The following QSER1 variants were observed in gnomAD, a reference collection of about 807,000 sequenced individuals.
QSER1 encodes glutamine and serine-rich protein 1.
In QSER1, 49 loss-of-function variants were observed where a neutral mutation model predicts 158.5. The observed-to-expected ratio is 0.31, with a 90% CI of 0.25 to 0.39. The LOEUF is 0.39. Ranked by LOEUF, QSER1 falls within the 10% of genes least tolerant of loss-of-function variation. QSER1 has a pLI of 1.00. For synonymous variants in QSER1, 650 were observed against 715.5 expected, an observed-to-expected ratio of 0.91 and a Z score of 1.46; for missense variants, 1,754 against 2,010.3, an observed-to-expected ratio of 0.87 and a Z score of 2.44.
intron 8 of QSER1, among the ~76,000 whole-genome samples, chr11:32,958,392 C>CTT (rs61443981): frequency 6.9e-6 from 1 of 144,976 alleles, no homozygotes; most frequent in Non-Finnish European, 1.5e-5. Flanking sequence ...TAGTTCTAAA[C>CTT]TTTTTTTTTT....
chr11:32,892,843 G>GGCCGCCGCCGCCGCCGCC lies in QSER1; in HGVS notation c.-281_-264dup, dbSNP rs562526200. ...GAAATCCACCAACATGGGGCGCAGC[G>GGCCGCCGCCGCCGCCGCC]GCCGCCGCCGCCGCCGCCGTCGCCG... On this transcript the variant is annotated 5_prime_UTR_variant, in exon 1 of 13. Transcript: ENST00000650167. 2.6e-4 allele frequency among the ~76,000 whole-genome samples: 38 copies of GGCCGCCGCCGCCGCCGCC among 144,876 alleles called. No individual in the cohort carries two copies. The South Asian group carries it at 4.2e-3, about 16-fold the overall frequency.
At chr11:32,898,518 ACACACACAC>A (rs1851585153) in intron 1 of QSER1, among the ~76,000 whole-genome samples, 9 of 148,598 alleles carry the variant, frequency 6.1e-5, no homozygotes, top group Admixed American at 1.3e-4. Context: ...ACACACACAC[ACACACACAC>A]ACATTGTAAT....
chr11:32,957,910 A>G lies in QSER1; in HGVS notation c.4793A>G (p.Asp1598Gly), dbSNP rs1173264839. 6.2e-7 allele frequency: 1 copy of G among 1,614,154 alleles called. No individual in the cohort carries two copies. Among genetic ancestry groups the G allele is most frequent in the Non-Finnish European group, 8.5e-7 (1 of 1,180,016 alleles). ...AKPSSSSKTSDPLASKTTTTK... is the reference protein window; with the variant it reads ...AKPSSSSKTSGPLASKTTTTK... ...CCAAGTAGTAGCAGTAAAACTTCTG[A>G]TCCTCTAGCATCAAAAACTACAACT... Residue 1598 changes from aspartate to glycine, a missense_variant, in exon 8 of 13, where the codon GAT (aspartate) becomes GGT (glycine). Physicochemically the swap from Asp to Gly is moderately conservative, Grantham distance 94. Coordinates refer to ENST00000650167, the MANE Select transcript of QSER1 (RefSeq NM_001076786.3).
chr11:32,898,482 TCACACACACACACACA>T (rs71034630), intron 1 of QSER1, among the ~76,000 whole-genome samples: 2,608 of 143,048 alleles, frequency 0.018, 81 homozygotes, highest in African/African-American at 0.06. Context: ...TGAGAACCTG[TCACACACACACACACA>T]CACACACACA....
intron 5 of QSER1, 137 bp from the exon 6 acceptor site, chr11:32,955,159 T>C: frequency 1.7e-6 from 1 of 585,994 alleles, no homozygotes; most frequent in Non-Finnish European, 3.0e-6. Context: ...ATAAGAATTA[T>C]TGCAGAATAT....
chr11:32,957,912 C>A lies in QSER1; in HGVS notation c.4795C>A (p.Pro1599Thr). 1 of 1,614,054 alleles carries A rather than the reference C, an allele frequency of 6.2e-7. No individual in the cohort carries two copies. ...AAGTAGTAGCAGTAAAACTTCTGAT[C>A]CTCTAGCATCAAAAACTACAACTAC... ...KPSSSSKTSD[P>T]LASKTTTTKA... Residue 1599 changes from proline to threonine, a missense_variant, in exon 8 of 13, where the codon CCT (proline) becomes ACT (threonine). Coordinates refer to ENST00000650167, the MANE Select transcript of QSER1 (RefSeq NM_001076786.3).
chr11:32,956,057 A>G lies in QSER1; in HGVS notation c.4687A>G (p.Asn1563Asp), dbSNP rs372571194. The G allele has an allele frequency of 2.9e-5, 46 of 1,610,666 alleles. No homozygotes were observed. The highest frequency in any genetic ancestry group is 3.5e-5 in the Non-Finnish European group (41 of 1,177,360). ...RIYVKFIENANKKEYVRVCSK... is the reference protein window; with the variant it reads ...RIYVKFIENADKKEYVRVCSK... ...ATATGTGAAGTTCATTGAAAATGCA[A>G]ACAAGAAGGAATATGTCAGAGTGTG... is the stretch of plus-strand genomic sequence containing the variant. Residue 1563 changes from asparagine to aspartate, a missense_variant, in exon 7 of 13, where the codon AAC becomes GAC. By Grantham distance (23) the Asn-to-Asp change is conservative. Coordinates refer to ENST00000650167, the MANE Select transcript of QSER1 (RefSeq NM_001076786.3).
At chr11:32,970,983 C>T (rs1260918817) in intron 10 of QSER1, among the ~76,000 whole-genome samples, 5 of 108,950 alleles carry the variant, frequency 4.6e-5, no homozygotes, top group African/African-American at 1.4e-4. Flanking sequence ...GACAGACTCT[C>T]GCTCTGTCTC....
At chr11:32,938,699 T>C (rs1852188385) in intron 4 of QSER1, among the ~76,000 whole-genome samples, 2 of 152,222 alleles carry the variant, frequency 1.3e-5, no homozygotes, top group African/African-American at 4.8e-5. Flanking sequence ...TTTTTGACTT[T>C]AAATTATTCA....
rs775217376 is a variant in QSER1, at chr11:32,932,708, A to G, written c.1450A>G (p.Ile484Val). 2.2e-5 allele frequency: 35 copies of G among 1,614,012 alleles called. No individual in the cohort carries two copies. Among genetic ancestry groups the G allele is most frequent in the Non-Finnish European group, 2.6e-5 (31 of 1,180,010 alleles). The change falls in exon 4 of 13, where the codon ATT becomes GTT. Residue 484 changes from isoleucine (I) to valine (V), a missense_variant. Ile to Val is a conservative substitution (Grantham distance 29). Coordinates refer to ENST00000650167, the MANE Select transcript of QSER1 (RefSeq NM_001076786.3). ...GLVQPHNVPS[I>V]VHSQVYRSSK... ...AGTACAGCCACATAATGTGCCATCT[A>G]TTGTTCATTCACAGGTTTATAGGTC...
At chr11:32,899,735 C>T (rs947506490) in intron 1 of QSER1, among the ~76,000 whole-genome samples, 1 of 151,962 alleles carries the variant, frequency 6.6e-6, no homozygotes, top group African/African-American at 2.4e-5. Context: ...CTTGCTTCCT[C>T]TCTGCTTGGC....
chr11:32,964,731 TATATATATACACACACAC>T (rs1232950235), intron 8 of QSER1, among the ~76,000 whole-genome samples: 4 of 113,098 alleles, frequency 3.5e-5, no homozygotes, highest in Non-Finnish European at 5.7e-5. Flanking sequence ...TATATATATA[TATATATATACACACACAC>T]ACACACACAC....
At chr11:32,952,201 T>C (rs1056161248) in intron 4 of QSER1, among the ~76,000 whole-genome samples, 1 of 152,228 alleles carries the variant, frequency 6.6e-6, no homozygotes, top group Non-Finnish European at 1.5e-5. Flanking sequence ...TCTTCAGATA[T>C]CCTTCTTAGG....
At chr11:32,920,845 GATA>G (rs1204733071) in intron 1 of QSER1, among the ~76,000 whole-genome samples, 1 of 152,148 alleles carries the variant, frequency 6.6e-6, no homozygotes, top group Non-Finnish European at 1.5e-5. Flanking sequence ...GAGAAATACA[GATA>G]ATAAATATTA....
rs375028984 is a variant in QSER1, at chr11:32,971,448, C to A, written c.5206-1949C>A. The stretch of plus-strand genomic sequence containing the variant: ...CAGATCATCTTAAGCATTTTGTGGT[C>A]ATTGGAAAGATTTAAATTTTCTTCT... On this transcript the variant is annotated intron_variant, in intron 10 of 12. Coordinates refer to ENST00000650167, the MANE Select transcript of QSER1 (RefSeq NM_001076786.3). 4.6e-5 allele frequency among the ~76,000 whole-genome samples: 7 copies of A among 152,192 alleles called. No homozygotes were observed. In the South Asian group the frequency reaches 1.4e-3, roughly 32 times the overall value.
intron 4 of QSER1, among the ~76,000 whole-genome samples, chr11:32,946,365 G>A (rs1329552663): frequency 6.6e-6 from 1 of 151,992 alleles, no homozygotes; most frequent in Non-Finnish European, 1.5e-5. Flanking sequence ...CATCTTTGTG[G>A]TTTTATCTAC....
intron 1 of QSER1, among the ~76,000 whole-genome samples, chr11:32,898,792 G>C (rs147780130): frequency 6.6e-6 from 1 of 152,064 alleles, no homozygotes; most frequent in Non-Finnish European, 1.5e-5. Context: ...CAGGCTGGTC[G>C]GGAACTCTTG....
At position 32,933,488 on chromosome 11, in the gene QSER1, T is replaced by G; in HGVS notation, c.2230T>G (p.Ser744Ala). 6.2e-7 allele frequency: 1 copy of G among 1,611,886 alleles called. No individual in the cohort carries two copies. Among genetic ancestry groups the G allele is most frequent in the Non-Finnish European group, 8.5e-7 (1 of 1,179,178 alleles). ...RYSQSVIRSN[S>A]RLEDQVIGVA... ...TTCTCAGAGTGTAATCAGAAGTAATTCCCGTCTTGAAGATCAAGTTATTGG... is the reference window on the plus strand; with the variant it reads ...TTCTCAGAGTGTAATCAGAAGTAATGCCCGTCTTGAAGATCAAGTTATTGG... Residue 744 changes from serine to alanine, a missense_variant, in exon 4 of 13, where the codon TCC becomes GCC. Ser to Ala is a moderately conservative substitution (Grantham distance 99, BLOSUM62 1). Coordinates refer to ENST00000650167, the MANE Select transcript of QSER1 (RefSeq NM_001076786.3).
chr11:32,908,659 C>T (rs937652583), intron 1 of QSER1, among the ~76,000 whole-genome samples: 2 of 152,140 alleles, frequency 1.3e-5, no homozygotes, highest in African/African-American at 2.4e-5. Flanking sequence ...TTTGTTTATC[C>T]GAACTCTTTT....
Sources: allele counts gnomAD v4.1 joint callset (sites outside exome capture counted in the v4.1 genomes callset), GRCh38; gene constraint gnomAD v4.1.1; transcripts MANE v1.5; gene names NCBI Gene and HGNC (gene_info 2026-07-23, HGNC 2026-07-21).